Variants in DOCK10 observed in about 807,000 individuals in gnomAD.
DOCK10 encodes the protein dedicator of cytokinesis 10, also known as dedicator of cytokinesis protein 10.
DOCK10 carries 145 observed loss-of-function variants against 280.1 expected under a neutral mutation model. The ratio of observed to expected loss-of-function variants is 0.52; its 90% CI spans 0.45 to 0.59. The LOEUF is 0.59. Ranked by LOEUF, DOCK10 falls within the 20% of genes least tolerant of loss-of-function variation. The pLI is 0.00. For missense variants in DOCK10, 2,368 were observed against 2,651.7 expected (o/e 0.89, Z 2.35); for synonymous variants, 915 against 942.2 (o/e 0.97, Z 0.53).
intron 5 of DOCK10, 56 bp downstream of exon 5, chr2:224,886,403 G>A: frequency 6.5e-7 from 1 of 1,544,244 alleles, no homozygotes; most frequent in South Asian, 1.1e-5. Flanking sequence ...TTCAGTGCAA[G>A]ACAGAAACTA....
chr2:224,836,551 G>T (rs367988686), intron 25 of DOCK10, among the ~76,000 whole-genome samples: 57 of 151,924 alleles, frequency 3.8e-4, no homozygotes, highest in Non-Finnish European at 6.3e-4. Flanking sequence ...TCTCAGAGGG[G>T]TTCACTCCAG....
chr2:224,828,860 A>C (rs1695038067), intron 27 of DOCK10, among the ~76,000 whole-genome samples: 1 of 152,180 alleles, frequency 6.6e-6, no homozygotes, highest in Admixed American at 6.5e-5. Context: ...ATGGTGGTAC[A>C]TCATATTAAC....
chr2:224,845,093 G>T (rs1696247186), intron 21 of DOCK10, 110 bp downstream of exon 21: 2 of 1,158,564 alleles, frequency 1.7e-6, no homozygotes, highest in South Asian at 3.2e-5. Context: ...TTGATTCATA[G>T]CTACAAGGGA....
In DOCK10 at chr2:225,042,290, C is replaced by T. The variant is rs2106156056; in HGVS notation, c.85G>A (p.Ala29Thr). The T allele has an allele frequency of 1.5e-6, 2 of 1,342,998 alleles. No individual in the cohort carries two copies. The highest frequency in any genetic ancestry group is 9.6e-7 in the Non-Finnish European group (1 of 1,044,702). 83.2% of individuals were successfully genotyped at this position (1,342,998 alleles called of 1,614,324 possible). ...AAELRHSAAS[A>T]AAVAVSSRQQ... ...CGGCTGCTGACTGCCACCGCGGCGG[C>T]GGACGCGGCGCTGTGCCGGAGCTCG... Residue 29 changes from alanine (A) to threonine (T), a missense_variant, in exon 1 of 56, where the codon GCC becomes ACC. Around this residue, in one of 2 missense-constraint regions of DOCK10, gnomAD observed 1,209 missense variants for 1,250.9 expected, o/e 0.97. Transcript: ENST00000258390. This position sits in a 1 kb window ranked among gnomAD's most constrained non-coding sequence, Gnocchi z 5.1.
chr2:224,827,197 A>C (rs749828413), intron 27 of DOCK10, among the ~76,000 whole-genome samples: 1 of 150,286 alleles, frequency 6.7e-6, no homozygotes, highest in South Asian at 2.1e-4. Context: ...CAGGAGGTGG[A>C]GCTTGCAGTG....
At chr2:224,889,249 A>C (rs560973959) in intron 4 of DOCK10, among the ~76,000 whole-genome samples, 1 of 152,304 alleles carries the variant, frequency 6.6e-6, no homozygotes, top group East Asian at 1.9e-4. Context: ...GTATGCATAA[A>C]ATTGCTATTC....
chr2:224,783,587 A>G (rs1412970000), intron 50 of DOCK10, among the ~76,000 whole-genome samples: 2 of 151,888 alleles, frequency 1.3e-5, no homozygotes, highest in African/African-American at 4.8e-5. Context: ...GAATTTTTTT[A>G]TAAAGACAAG....
At chr2:225,001,611 TAG>T (rs1706432657) in intron 1 of DOCK10, among the ~76,000 whole-genome samples, 2 of 152,204 alleles carry the variant, frequency 1.3e-5, no homozygotes, top group African/African-American at 2.4e-5. Flanking sequence ...CTTTCTATAA[TAG>T]AGTTTTATTT....
intron 46 of DOCK10, 70 bp from the exon 47 acceptor site, chr2:224,793,142 A>T: frequency 8.5e-7 from 1 of 1,182,356 alleles, no homozygotes; most frequent in Non-Finnish European, 1.2e-6. Flanking sequence ...AGAGACTACA[A>T]ATCGTTAGCC....
Position 224,778,145 on chromosome 2 carries a change from G to T in DOCK10, c.5795C>A (p.Ser1932Tyr). Residue 1932 changes from serine (S) to tyrosine (Y), a missense_variant, in exon 51 of 56, where the codon TCC (serine) becomes TAC (tyrosine). Coordinates refer to ENST00000258390, the MANE Select transcript of DOCK10 (RefSeq NM_014689.3). ...GADNVKIIQD[S>Y]NKVNPKDLDP... ...ATACTGATTTTCCTCTACCTTGTTG[G>T]AATCCTGGATTATCTTCACATTGTC... 6.2e-7 allele frequency: 1 copy of T among 1,613,100 alleles called. No homozygotes were observed. The highest frequency in any genetic ancestry group is 8.5e-7 in the Non-Finnish European group (1 of 1,179,448).
chr2:224,951,085 A>G (rs575452394), intron 1 of DOCK10, among the ~76,000 whole-genome samples: 2 of 152,336 alleles, frequency 1.3e-5, no homozygotes, highest in African/African-American at 4.8e-5. Context: ...ATCTAGACAT[A>G]CTTGTGCTTA....
At chr2:224,962,425 T>C (rs1305025853) in intron 1 of DOCK10, among the ~76,000 whole-genome samples, 1 of 152,224 alleles carries the variant, frequency 6.6e-6, no homozygotes, top group Non-Finnish European at 1.5e-5. Context: ...AGGGAAAATA[T>C]GGAACATGAG....
intron 2 of DOCK10, among the ~76,000 whole-genome samples, chr2:224,930,897 T>C (rs1702325219): frequency 6.6e-6 from 1 of 152,198 alleles, no homozygotes; most frequent in Non-Finnish European, 1.5e-5. Flanking sequence ...GGTAACAGTA[T>C]TTTATGTTTG....
chr2:224,901,608 A>G (rs1052496298), intron 3 of DOCK10, among the ~76,000 whole-genome samples: 1 of 152,236 alleles, frequency 6.6e-6, no homozygotes, highest in African/African-American at 2.4e-5. Flanking sequence ...GTATATGTCC[A>G]TGGTCCTTGG....
intron 1 of DOCK10, among the ~76,000 whole-genome samples, chr2:225,035,546 A>T (rs1279263827): frequency 1.7e-4 from 2 of 12,120 alleles, no homozygotes; most frequent in Non-Finnish European, 3.5e-4. Flanking sequence ...TATATATTAT[A>T]TATATATATA....
intron 53 of DOCK10, among the ~76,000 whole-genome samples, chr2:224,772,022 G>GC: frequency 6.6e-6 from 1 of 152,042 alleles, no homozygotes; most frequent in South Asian, 2.1e-4. Flanking sequence ...CCAGGTTCAA[G>GC]CAATTATCCT....
chr2:224,847,509 G>A (rs780819896), intron 19 of DOCK10, among the ~76,000 whole-genome samples: 20 of 152,094 alleles, frequency 1.3e-4, no homozygotes, highest in Non-Finnish European at 2.6e-4. Context: ...GAGGCTTCCA[G>A]GAAACACATG....
intron 50 of DOCK10, among the ~76,000 whole-genome samples, chr2:224,779,389 T>A (rs1391312936): frequency 6.6e-6 from 1 of 152,102 alleles, no homozygotes; most frequent in African/African-American, 2.4e-5. Context: ...CTAATTTTTG[T>A]GTTTTTAATT....
intron 1 of DOCK10, among the ~76,000 whole-genome samples, chr2:224,935,225 A>T (rs1352562629): frequency 1.3e-5 from 2 of 152,236 alleles, no homozygotes; most frequent in Non-Finnish European, 2.9e-5. Context: ...AACAAGCAAG[A>T]ACAAAGTATT....
Sources: gnomAD v4.1 joint callset for allele counts (sites outside exome capture counted in the v4.1 genomes callset) on GRCh38, gnomAD v4.1.1 for gene constraint, gnomAD v4.1.1 regional missense constraint, Gnocchi (gnomAD v3.1) non-coding constraint, MANE v1.5 for transcripts, NCBI Gene and HGNC (gene_info 2026-07-23, HGNC 2026-07-21) for gene names.